Variants in NCOR1 observed in about 807,000 individuals in gnomAD.
NCOR1 encodes protein phosphatase 1, regulatory subunit 109.
Under a neutral mutation model 288.1 loss-of-function variants are expected in NCOR1, and 63 were observed. The ratio of observed to expected loss-of-function variants is 0.22; its 90% CI spans 0.18 to 0.27. The LOEUF is 0.27. Ranked by LOEUF, NCOR1 falls within the 10% of genes least tolerant of loss-of-function variation. The pLI, the probability that NCOR1 is intolerant of heterozygous loss-of-function variation, is 1.00. For synonymous variants in NCOR1, 1,007 were observed against 1,065.9 expected (o/e 0.94, Z 1.08); for missense variants, 2,397 against 3,019.2 (o/e 0.79, Z 4.83).
intron 18 of NCOR1, among the ~76,000 whole-genome samples, chr17:16,115,193 G>C (rs2071328952): frequency 6.6e-6 from 1 of 152,192 alleles, no homozygotes. Flanking sequence ...GGCCAGAGCT[G>C]CTGGGGTGCA....
chr17:16,088,049 C>T (rs1012895998), intron 22 of NCOR1, among the ~76,000 whole-genome samples: 6 of 152,026 alleles, frequency 3.9e-5, no homozygotes, highest in African/African-American at 1.4e-4. Context: ...TCATTTGTAA[C>T]CCTGACCACT....
At chr17:16,035,585 C>T (rs1974269322) in intron 44 of NCOR1, among the ~76,000 whole-genome samples, 1 of 148,440 alleles carries the variant, frequency 6.7e-6, no homozygotes, top group Admixed American at 6.7e-5. Flanking sequence ...GCCCAGGCTG[C>T]ACTGCAGTGG....
At chr17:16,055,996 T>C (rs1418577176) in intron 40 of NCOR1, among the ~76,000 whole-genome samples, 3 of 152,148 alleles carry the variant, frequency 2.0e-5, no homozygotes, top group Non-Finnish European at 2.9e-5. Flanking sequence ...ATTACCAAAA[T>C]TGGGTGATGG....
intron 1 of NCOR1, among the ~76,000 whole-genome samples, chr17:16,213,309 G>T (rs914262568): frequency 6.6e-6 from 1 of 151,254 alleles, no homozygotes; most frequent in Non-Finnish European, 1.5e-5. Flanking sequence ...TGGCTAACAC[G>T]GTGAAACCCC....
At position 16,179,845 on chromosome 17, in the gene NCOR1, C is replaced by T. The variant is rs191770400; in HGVS notation, c.242+6709G>A. On this transcript the variant is annotated intron_variant, in intron 3 of 45. Transcript: ENST00000268712. ...CCTGGCTAACACAGTGAAACCGTGT[C>T]TCTACTAAAAGTACAAAAATTAGCC... 4.9e-3 allele frequency among the ~76,000 whole-genome samples: 747 copies of T among 151,298 alleles called. 8 individuals are homozygous for T. The highest frequency in any genetic ancestry group is 6.3e-3 in the Non-Finnish European group (425 of 67,914).
At chr17:16,036,013 TC>T (rs1289486859) in intron 44 of NCOR1, among the ~76,000 whole-genome samples, 4 of 152,216 alleles carry the variant, frequency 2.6e-5, no homozygotes, top group African/African-American at 9.6e-5. Flanking sequence ...AAATGGTGAA[TC>T]CTTTTCAGAA....
intron 30 of NCOR1, 24 bp from the exon 31 acceptor site, chr17:16,070,549 A>T (rs892464334): frequency 6.2e-7 from 1 of 1,601,666 alleles, no homozygotes; most frequent in African/African-American, 1.3e-5. Context: ...AACAAACATT[A>T]CAGGTAGCAA....
chr17:16,057,554 T>C lies in NCOR1; in HGVS notation c.6352A>G (p.Arg2118Gly). The change falls in exon 40 of 46, where the codon AGG becomes GGG. Residue 2118 changes from arginine (R) to glycine (G), a missense_variant. This residue lies in a region of NCOR1 where 1,872 missense variants were observed against 2,187.8 expected (regional missense o/e 0.86). Coordinates refer to ENST00000268712, the MANE Select transcript of NCOR1 (RefSeq NM_006311.4). Reference protein sequence around the residue: ...QSVHHQRPGSRVSPENLVDKS... With the variant: ...QSVHHQRPGSGVSPENLVDKS... The stretch of plus-strand genomic sequence containing the variant: ...TCCACAAGATTTTCTGGAGAGACCC[T>C]TGAACCTGGTCTTTGATGATGGACA... 5.0e-6 allele frequency: 8 copies of C among 1,614,186 alleles called. No homozygotes were observed. Among genetic ancestry groups the C allele is most frequent in the Non-Finnish European group, 6.8e-6 (8 of 1,180,032 alleles).
At chr17:16,165,638 A>G (rs2081881807) in intron 4 of NCOR1, among the ~76,000 whole-genome samples, 1 of 152,218 alleles carries the variant, frequency 6.6e-6, no homozygotes, top group South Asian at 2.1e-4. Context: ...TTTCCAAACC[A>G]AAACTGAGGT....
At chr17:16,201,501 A>C (rs2090803653) in intron 1 of NCOR1, among the ~76,000 whole-genome samples, 1 of 152,174 alleles carries the variant, frequency 6.6e-6, no homozygotes, top group African/African-American at 2.4e-5. Context: ...CAGGAGGCTG[A>C]GCAAGAGAAT....
intron 29 of NCOR1, 61 bp downstream of exon 29, chr17:16,072,084 T>C: frequency 1.6e-6 from 2 of 1,286,130 alleles, no homozygotes; most frequent in Admixed American, 1.9e-5. Context: ...TAAATTAATG[T>C]CAAACTATTT....
rs1308227077 is a variant in NCOR1, at chr17:16,057,753, G to C, written c.6169-16C>G. 1 of 1,608,538 alleles carries C rather than the reference G, an allele frequency of 6.2e-7. No homozygotes were observed. The highest frequency in any genetic ancestry group is 2.2e-5 in the East Asian group (1 of 44,844). On this transcript the variant is annotated splice_polypyrimidine_tract_variant and intron_variant, in intron 39 of 45. Transcript: ENST00000268712. ...TGATAATTTGCTGTGAATGAGAAAT[G>C]AAGGAAGTGGTAAAATTCATTGAGT...
intron 14 of NCOR1, among the ~76,000 whole-genome samples, chr17:16,128,178 C>T (rs2075047464): frequency 6.6e-6 from 1 of 152,194 alleles, no homozygotes; most frequent in Admixed American, 6.5e-5. Context: ...TGCACACCTC[C>T]CTCCAATCAC....
intron 3 of NCOR1, among the ~76,000 whole-genome samples, chr17:16,180,130 G>A (rs778161492): frequency 5.3e-4 from 81 of 152,030 alleles, no homozygotes; most frequent in Non-Finnish European, 8.5e-4. Context: ...AGAAGTGAAC[G>A]GACATTTCTC....
intron 19 of NCOR1, among the ~76,000 whole-genome samples, chr17:16,105,031 G>A (rs533372081): frequency 1.6e-4 from 24 of 152,212 alleles, no homozygotes; most frequent in Non-Finnish European, 3.4e-4. Context: ...TGGAGCAGAG[G>A]GGGCCAACAA....
chr17:16,196,563 TGCCTGTAGTCCCA>T (rs906166266), intron 1 of NCOR1, among the ~76,000 whole-genome samples: 120 of 152,140 alleles, frequency 7.9e-4, no homozygotes, highest in African/African-American at 2.8e-3. Context: ...TGGTGGCTCA[TGCCTGTAGTCCCA>T]GCACTTTGGG....
At chr17:16,039,784 C>T (rs1555543769) in intron 43 of NCOR1, 130 bp from the exon 44 acceptor site, 9 of 788,654 alleles carry the variant, frequency 1.1e-5, no homozygotes, top group Middle Eastern at 3.2e-4. Context: ...CCAGGACCCA[C>T]CACACAGAGA....
chr17:16,106,876 TATA>T (rs1568055411), intron 19 of NCOR1, among the ~76,000 whole-genome samples: 66 of 59,814 alleles, frequency 1.1e-3, no homozygotes, highest in African/African-American at 4.8e-3. Context: ...TATATATATA[TATA>T]TATATTTTTT....
At chr17:16,091,680 A>G in intron 22 of NCOR1, 183 bp downstream of exon 22, 2 of 1,421,166 alleles carry the variant, frequency 1.4e-6, no homozygotes, top group East Asian at 2.5e-5. Context: ...GGCATCCTTT[A>G]GTAGTTAATA....
Sources: allele counts gnomAD v4.1 joint callset (sites outside exome capture counted in the v4.1 genomes callset), GRCh38; gene constraint gnomAD v4.1.1; regional missense constraint gnomAD v4.1.1; transcripts MANE v1.5; gene names NCBI Gene and HGNC (gene_info 2026-07-23, HGNC 2026-07-21).